The following PTAR1 variants were observed in gnomAD, a reference collection of about 807,000 sequenced individuals.
PTAR1 encodes protein prenyltransferase alpha subunit repeat-containing protein 1.
In PTAR1, 17 loss-of-function variants were observed where a neutral mutation model predicts 45.5. That is an observed-to-expected ratio of 0.37 (90% CI 0.26 to 0.56). PTAR1 has a LOEUF of 0.56. PTAR1 is among the 20% of genes least tolerant of loss of function. The pLI, the probability that PTAR1 is intolerant of heterozygous loss-of-function variation, is 0.77. For missense variants in PTAR1, 391 were observed against 476.3 expected (o/e 0.82, Z 1.67); for synonymous variants, 169 against 171.3 (o/e 0.99, Z 0.11).
chr9:69,734,136 T>C lies in PTAR1; in HGVS notation c.428+14A>G, dbSNP rs1452027973. 1.4e-6 allele frequency: 2 copies of C among 1,409,052 alleles called. No individual in the cohort carries two copies. Among genetic ancestry groups the C allele is most frequent in the Non-Finnish European group, 2.0e-6 (2 of 995,110 alleles). 87.3% of individuals were successfully genotyped at this position (1,409,052 alleles called of 1,614,324 possible). ...AATCCTAAGTAAGAGTACTATGTTG[T>C]AAATTAACCACACCTGTGAATCCAT... On this transcript the variant is annotated intron_variant, in intron 4 of 7. Transcript: ENST00000340434.
intron 3 of PTAR1, among the ~76,000 whole-genome samples, chr9:69,737,246 A>AT (rs1825832167): frequency 6.6e-6 from 1 of 151,892 alleles, no homozygotes; most frequent in Admixed American, 6.6e-5. Context: ...CGTCTAGCTA[A>AT]TTTTTTGTAT....
chr9:69,718,597 C>A lies in PTAR1; in HGVS notation c.983-29G>T, dbSNP rs752993454. 17 of 1,613,304 alleles carry A rather than the reference C, an allele frequency of 1.1e-5. No individual in the cohort carries two copies. The South Asian group carries it at 1.6e-4, about 16-fold the overall frequency. On this transcript the variant is annotated intron_variant, in intron 7 of 7. Transcript: ENST00000340434. ...GGATAAGGTGCAAGTCACTCAAAGT[C>A]CCCCCAGGGCTGTCTGCAGGTGACA...
intron 3 of PTAR1, among the ~76,000 whole-genome samples, chr9:69,736,400 T>TA (rs1230898223): frequency 6.6e-6 from 1 of 151,986 alleles, no homozygotes; most frequent in African/African-American, 2.4e-5. Context: ...CTATTAAAAG[T>TA]AAAAAAATTA....
At position 69,713,116 on chromosome 9, in the gene PTAR1, C is replaced by A. The variant is rs1461863009; in HGVS notation, c.*5226G>T. The A allele has an allele frequency of 6.6e-6, 1 of 152,104 alleles. No homozygotes were observed. Among genetic ancestry groups the A allele is most frequent in the Non-Finnish European group, 1.5e-5 (1 of 68,002 alleles). 9.4% of individuals were successfully genotyped at this position (152,104 alleles called of 1,614,324 possible). A position where few individuals can be genotyped will look rare whatever the true frequency, so the allele number is the denominator to read the frequency against. On this transcript the variant is annotated 3_prime_UTR_variant, in exon 8 of 8. Transcript: ENST00000340434. ...GGGTTAGCTTTCTGGACAATAGAAT[C>A]ATCCAGAAAGCACAAATTATATATA...
In PTAR1 at chr9:69,713,124, A is replaced by G. The variant is rs1048269297; in HGVS notation, c.*5218T>C. On this transcript the variant is annotated 3_prime_UTR_variant, in exon 8 of 8. Coordinates refer to ENST00000340434, the MANE Select transcript of PTAR1 (RefSeq NM_001099666.2). ...TTTCTGGACAATAGAATCATCCAGA[A>G]AGCACAAATTATATATAGCTAATAT... is the stretch of plus-strand genomic sequence containing the variant. 6.6e-5 allele frequency: 10 copies of G among 152,170 alleles called. No individual in the cohort carries two copies. The highest frequency in any genetic ancestry group is 2.4e-4 in the African/African-American group (10 of 41,450). 9.4% of individuals were successfully genotyped at this position (152,170 alleles called of 1,614,324 possible).
chr9:69,740,250 T>C (rs1256587452), intron 3 of PTAR1, among the ~76,000 whole-genome samples: 3 of 152,030 alleles, frequency 2.0e-5, no homozygotes, highest in Admixed American at 6.6e-5. Flanking sequence ...GCTAGTGAGA[T>C]CATTTTTTGT....
At chr9:69,759,807 G>T in intron 1 of PTAR1, 46 bp downstream of exon 1, 1 of 1,426,134 alleles carries the variant, frequency 7.0e-7, no homozygotes, top group East Asian at 3.0e-5. Context: ...CCCCGCCCCC[G>T]CCCGCTCCCG....
Position 69,712,061 on chromosome 9 carries a change from T to C in PTAR1, c.*6281A>G, listed in dbSNP as rs1824545298. 2 of 152,166 alleles carry C rather than the reference T, an allele frequency of 1.3e-5. No homozygotes were observed. The highest frequency in any genetic ancestry group is 4.8e-5 in the African/African-American group (2 of 41,466). The allele number at this position is 152,166 out of a possible 1,614,324, so 9.4% of individuals were successfully genotyped here. A position where few individuals can be genotyped will look rare whatever the true frequency, so the allele number is the denominator to read the frequency against. ...AGGATAATTTATCAACTTTTTCTAA[T>C]AGAATGCTCCTTGAATCAATATCTG... is the stretch of plus-strand genomic sequence containing the variant. On this transcript the variant is annotated 3_prime_UTR_variant, in exon 8 of 8. Transcript: ENST00000340434.
At chr9:69,727,350 TCTA>T (rs1288925165) in intron 5 of PTAR1, among the ~76,000 whole-genome samples, 1 of 152,100 alleles carries the variant, frequency 6.6e-6, no homozygotes, top group East Asian at 1.9e-4. Context: ...CAATCACCAT[TCTA>T]CTATTTCCAT....
intron 5 of PTAR1, among the ~76,000 whole-genome samples, chr9:69,731,241 G>C (rs1214942175): frequency 6.6e-6 from 1 of 152,066 alleles, no homozygotes; most frequent in South Asian, 2.1e-4. Context: ...GGAAGAAGAG[G>C]GTGGTAAGTT....
At chr9:69,721,487 G>A (rs1733734398) in intron 6 of PTAR1, among the ~76,000 whole-genome samples, 1 of 152,198 alleles carries the variant, frequency 6.6e-6, no homozygotes, top group South Asian at 2.1e-4. Context: ...AAAGGATTTA[G>A]AGTATGACAC....
chr9:69,749,194 AGAAAGGGTAGGTTGAGCT>A (rs1564145764), intron 2 of PTAR1, among the ~76,000 whole-genome samples: 2 of 152,186 alleles, frequency 1.3e-5, no homozygotes, highest in African/African-American at 4.8e-5. Context: ...GGAAGACCAC[AGAAAGGGTAGGTTGAGCT>A]AACATACATA....
At chr9:69,742,841 T>C (rs1370416617) in intron 2 of PTAR1, among the ~76,000 whole-genome samples, 2 of 152,142 alleles carry the variant, frequency 1.3e-5, no homozygotes, top group African/African-American at 2.4e-5. Flanking sequence ...GTTCATCTTA[T>C]GAACCAGCTA....
chr9:69,736,913 A>G (rs1014769633), intron 3 of PTAR1, among the ~76,000 whole-genome samples: 4 of 152,190 alleles, frequency 2.6e-5, no homozygotes, highest in Non-Finnish European at 5.9e-5. Context: ...ACACTGAAAA[A>G]GATCACCTGA....
intron 5 of PTAR1, among the ~76,000 whole-genome samples, chr9:69,723,961 A>G (rs1825147636): frequency 6.6e-6 from 1 of 152,218 alleles, no homozygotes; most frequent in African/African-American, 2.4e-5. Flanking sequence ...GATGAGCATT[A>G]GGGTATTCAT....
intron 1 of PTAR1, among the ~76,000 whole-genome samples, chr9:69,753,227 G>C (rs982099527): frequency 7.2e-5 from 11 of 151,832 alleles, no homozygotes; most frequent in African/African-American, 2.4e-4. Flanking sequence ...TAATAATTTG[G>C]TATCTAAACT....
chr9:69,749,759 C>T (rs914503240), intron 2 of PTAR1, among the ~76,000 whole-genome samples: 2 of 152,098 alleles, frequency 1.3e-5, no homozygotes, highest in African/African-American at 4.8e-5. Context: ...TTAGGCAACA[C>T]TCTTCTGTAC....
chr9:69,756,079 T>C (rs1415146553), intron 1 of PTAR1, among the ~76,000 whole-genome samples: 1 of 152,148 alleles, frequency 6.6e-6, no homozygotes, highest in Non-Finnish European at 1.5e-5. Flanking sequence ...TATACTACAC[T>C]ATTATTTAAA....
chr9:69,741,886 A>G, intron 2 of PTAR1, 28 bp from the exon 3 acceptor site: 1 of 1,389,642 alleles, frequency 7.2e-7, no homozygotes, highest in Non-Finnish European at 1.0e-6. Flanking sequence ...CATATTAAAA[A>G]CAAATAGTCC....
Sources: gnomAD v4.1 joint callset for allele counts (sites outside exome capture counted in the v4.1 genomes callset) on GRCh38, gnomAD v4.1.1 for gene constraint, MANE v1.5 for transcripts, NCBI Gene and HGNC (gene_info 2026-07-23, HGNC 2026-07-21) for gene names.